Variants in LONRF1 observed in about 807,000 individuals in gnomAD.
LONRF1 encodes the protein LON peptidase N-terminal domain and ring finger 1.
In LONRF1, 37 loss-of-function variants were observed where a neutral mutation model predicts 85.8. That is an observed-to-expected ratio of 0.43 (90% CI 0.33 to 0.57). The LOEUF (loss-of-function observed/expected upper bound fraction) is 0.57. Among genes scored for constraint, LONRF1 ranks in the 20% least tolerant of loss-of-function variants. The pLI, the probability that LONRF1 is intolerant of heterozygous loss-of-function variation, is 0.04. For missense variants in LONRF1, 1,036 were observed against 978.0 expected, an observed-to-expected ratio of 1.06 and a Z score of -0.79; for synonymous variants, 517 against 390.1, an observed-to-expected ratio of 1.33 and a Z score of -3.83.
At position 12,754,651 on chromosome 8, in the gene LONRF1, G is replaced by A. The variant is rs1799558217; in HGVS notation, c.721+49C>T. 5 of 1,293,244 alleles carry A rather than the reference G, an allele frequency of 3.9e-6. No individual in the cohort carries two copies. The East Asian group carries it at 9.8e-5, about 25-fold the overall frequency. The allele number at this position is 1,293,244 out of a possible 1,614,324, so 80.1% of individuals were successfully genotyped here. A position where few individuals can be genotyped will look rare whatever the true frequency, so the allele number is the denominator to read the frequency against. ...AAGCTCCGGGTCCCCGGCCCTCGGG[G>A]CCAGGAGGGTGCGGTCGGCCCGGCC... On this transcript the variant is annotated intron_variant, in intron 1 of 11. Transcript: ENST00000398246.
intron 10 of LONRF1, among the ~76,000 whole-genome samples, 180 bp downstream of exon 10, chr8:12,728,721 A>G (rs999841740): frequency 8.5e-5 from 13 of 152,238 alleles, no homozygotes; most frequent in African/African-American, 3.1e-4. Context: ...AAGTTCTCTT[A>G]GAATGTGCAA....
At chr8:12,743,138 A>G in intron 2 of LONRF1, 26 bp downstream of exon 2, 2 of 1,418,106 alleles carry the variant, frequency 1.4e-6, no homozygotes, top group Non-Finnish European at 2.0e-6. Flanking sequence ...TTTACAATTT[A>G]TGCAAACATA....
rs1256642060 is a variant in LONRF1 at position 12,722,252 on chromosome 8, A to G, written c.*844T>C. The stretch of plus-strand genomic sequence containing the variant: ...AACAAACACATCATGTCAAACTATA[A>G]ATTACACAAATGGGCAGTTAATGTG... On this transcript the variant is annotated 3_prime_UTR_variant, in exon 12 of 12. Coordinates refer to ENST00000398246, the MANE Select transcript of LONRF1 (RefSeq NM_152271.5). The G allele has an allele frequency of 6.5e-6, 1 of 152,674 alleles. No homozygotes were observed. Among genetic ancestry groups the G allele is most frequent in the Non-Finnish European group, 1.5e-5 (1 of 68,046 alleles). The allele number at this position is 152,674 out of a possible 1,614,324, so 9.5% of individuals were successfully genotyped here.
At chr8:12,751,664 AAT>A (rs1799410321) in intron 1 of LONRF1, among the ~76,000 whole-genome samples, 1 of 151,310 alleles carries the variant, frequency 6.6e-6, no homozygotes, top group Admixed American at 6.6e-5. Context: ...TTTAAAACAA[AAT>A]ATCACCCCCC....
At chr8:12,737,918 A>C in intron 4 of LONRF1, 77 bp downstream of exon 4, 1 of 1,465,300 alleles carries the variant, frequency 6.8e-7, no homozygotes, top group Non-Finnish European at 9.1e-7. Flanking sequence ...CTAGTACTTG[A>C]AACTAGGAAA....
chr8:12,754,420 C>T, intron 1 of LONRF1: 1 of 293,322 alleles, frequency 3.4e-6, no homozygotes, highest in Non-Finnish European at 6.2e-6. Context: ...CGGGAGCGCG[C>T]GCCCGACAGC....
chr8:12,725,979 C>A, intron 10 of LONRF1, 100 bp from the exon 11 acceptor site: 3 of 1,065,980 alleles, frequency 2.8e-6, no homozygotes, highest in Non-Finnish European at 4.1e-6. Flanking sequence ...AAGAACAGGG[C>A]AATACCTGTT....
chr8:12,755,299 G>A lies in LONRF1; in HGVS notation c.122C>T (p.Ala41Val). 8.0e-7 allele frequency: 1 copy of A among 1,247,070 alleles called. No homozygotes were observed. Among genetic ancestry groups the A allele is most frequent in the Non-Finnish European group, 1.0e-6 (1 of 993,474 alleles). 77.3% of individuals were successfully genotyped at this position (1,247,070 alleles called of 1,614,324 possible). Reference protein sequence around the residue: ...GGGSGHRLERAAAESERWELL... With the variant: ...GGGSGHRLERVAAESERWELL... Reference sequence around the variant, plus strand: ...CTCCCAGCGCTCCGACTCCGCGGCCGCGCGCTCCAGCCGATGGCCGCTGCC... The same window carrying A: ...CTCCCAGCGCTCCGACTCCGCGGCCACGCGCTCCAGCCGATGGCCGCTGCC... Residue 41 changes from alanine to valine, a missense_variant, in exon 1 of 12, where the codon GCG becomes GTG. By Grantham distance (64) the Ala-to-Val change is moderately conservative. This residue lies in a region of LONRF1 where 742 missense variants were observed against 614.4 expected (regional missense o/e 1.21). Transcript: ENST00000398246.
At chr8:12,737,298 T>A (rs1332630719) in intron 4 of LONRF1, 158 bp from the exon 5 acceptor site, 8 of 956,234 alleles carry the variant, frequency 8.4e-6, no homozygotes, top group Non-Finnish European at 1.3e-5. Flanking sequence ...GACAAGTAAA[T>A]GATTTTTGCC....
In LONRF1 at chr8:12,722,972, C is replaced by A; in HGVS notation, c.*124G>T. ...TGCAGAACCACATGATTCAGGAGGTCGAAGGAAAAAGAAAAGTTTCATTAA... is the reference window on the plus strand; with the variant it reads ...TGCAGAACCACATGATTCAGGAGGTAGAAGGAAAAAGAAAAGTTTCATTAA... On this transcript the variant is annotated 3_prime_UTR_variant, in exon 12 of 12. Coordinates refer to ENST00000398246, the MANE Select transcript of LONRF1 (RefSeq NM_152271.5). 4.3e-6 allele frequency: 4 copies of A among 922,150 alleles called. No individual in the cohort carries two copies. Among genetic ancestry groups the A allele is most frequent in the Non-Finnish European group, 4.9e-6 (3 of 617,022 alleles). 57.1% of individuals were successfully genotyped at this position (922,150 alleles called of 1,614,324 possible).
intron 1 of LONRF1, among the ~76,000 whole-genome samples, chr8:12,747,836 A>G (rs905845692): frequency 6.6e-6 from 1 of 152,160 alleles, no homozygotes; most frequent in African/African-American, 2.4e-5. Flanking sequence ...CACTCAGCAC[A>G]AGGGCCTCCA....
chr8:12,747,756 CTT>C (rs71205087), intron 1 of LONRF1, among the ~76,000 whole-genome samples: 7 of 34,566 alleles, frequency 2.0e-4, no homozygotes, highest in Non-Finnish European at 2.8e-4. Flanking sequence ...AAATCTCTCT[CTT>C]TTTTTTTTTT....
chr8:12,734,568 CAATT>C (rs1489366175), intron 7 of LONRF1, among the ~76,000 whole-genome samples: 1 of 152,104 alleles, frequency 6.6e-6, no homozygotes, highest in Admixed American at 6.5e-5. Flanking sequence ...CTCTTCTCAT[CAATT>C]AGAGAAGACA....
chr8:12,731,407 C>T (rs1798524127), intron 8 of LONRF1, among the ~76,000 whole-genome samples: 1 of 152,142 alleles, frequency 6.6e-6, no homozygotes, highest in Non-Finnish European at 1.5e-5. Context: ...CCTACCACGA[C>T]ACATGAGAGC....
chr8:12,734,286 A>C (rs1005373466), intron 7 of LONRF1, among the ~76,000 whole-genome samples: 1 of 152,220 alleles, frequency 6.6e-6, no homozygotes, highest in African/African-American at 2.4e-5. Context: ...TATATGTAAG[A>C]CACATATCAA....
intron 10 of LONRF1, 113 bp downstream of exon 10, chr8:12,728,788 T>TA: frequency 8.5e-7 from 1 of 1,174,408 alleles, no homozygotes; most frequent in Admixed American, 2.1e-5. Context: ...ATCACAGTGG[T>TA]AAGGCTGTCT....
chr8:12,725,990 T>C, intron 10 of LONRF1, 111 bp from the exon 11 acceptor site: 1 of 929,778 alleles, frequency 1.1e-6, no homozygotes, highest in South Asian at 1.6e-5. Flanking sequence ...AATACCTGTT[T>C]CAGTGCTGAC....
chr8:12,744,779 C>A (rs1293914874), intron 1 of LONRF1, among the ~76,000 whole-genome samples: 1 of 152,188 alleles, frequency 6.6e-6, no homozygotes, highest in African/African-American at 2.4e-5. Context: ...CCACCCACAG[C>A]TGGGGTGCTT....
intron 1 of LONRF1, among the ~76,000 whole-genome samples, chr8:12,746,961 A>G (rs904842643): frequency 2.6e-5 from 4 of 152,182 alleles, no homozygotes; most frequent in African/African-American, 9.7e-5. Context: ...TGCTATTATG[A>G]TTCTGTGCCT....
Sources: allele counts gnomAD v4.1 joint callset (sites outside exome capture counted in the v4.1 genomes callset), GRCh38; gene constraint gnomAD v4.1.1; regional missense constraint gnomAD v4.1.1; transcripts MANE v1.5; gene names NCBI Gene and HGNC (gene_info 2026-07-23, HGNC 2026-07-21).